KCNT2: variants seen among roughly 807,000 people sequenced by gnomAD.
KCNT2 encodes the protein potassium channel subfamily T member 2.
KCNT2 carries 67 observed loss-of-function variants against 153.8 expected under a neutral mutation model. The observed-to-expected ratio is 0.44, with a 90% CI of 0.36 to 0.53. KCNT2 has a LOEUF of 0.53. KCNT2 is among the 20% of genes least tolerant of loss of function. The pLI, the probability that KCNT2 is intolerant of heterozygous loss-of-function variation, is 0.00. For missense variants in KCNT2, 975 were observed against 1,354.8 expected, an observed-to-expected ratio of 0.72 and a Z score of 4.40; for synonymous variants, 500 against 458.8, an observed-to-expected ratio of 1.09 and a Z score of -1.15.
intron 12 of KCNT2, among the ~76,000 whole-genome samples, chr1:196,410,574 A>C (rs181068084): frequency 7.4e-6 from 1 of 134,954 alleles, no homozygotes; most frequent in African/African-American, 2.5e-5. Context: ...TAATAAAAAT[A>C]AATAAATAAA....
intron 25 of KCNT2, among the ~76,000 whole-genome samples, chr1:196,261,617 A>G (rs1402371303): frequency 1.3e-5 from 2 of 151,974 alleles, no homozygotes; most frequent in Non-Finnish European, 2.9e-5. Flanking sequence ...ACTTTTCTCT[A>G]TCACTAGACT....
chr1:196,424,275 T>C (rs914204222), intron 11 of KCNT2, among the ~76,000 whole-genome samples: 1 of 151,904 alleles, frequency 6.6e-6, no homozygotes, highest in Non-Finnish European at 1.5e-5. Context: ...TCAGATAAAT[T>C]TGTTAGATGG....
rs535795351 is a variant in KCNT2, at chr1:196,492,341, C to A, written c.96G>T (p.Arg32Ser). 21 of 1,376,878 alleles carry A rather than the reference C, an allele frequency of 1.5e-5. No individual in the cohort carries two copies. Among genetic ancestry groups the A allele is most frequent in the Non-Finnish European group, 1.7e-5 (18 of 1,036,364 alleles). The allele number at this position is 1,376,878 out of a possible 1,614,324, so 85.3% of individuals were successfully genotyped here. A position where few individuals can be genotyped will look rare whatever the true frequency, so the allele number is the denominator to read the frequency against. ...CATTCATATAGAATTCAACTTGTAC[C>A]CTGCAAACAGAAAATAAAAACATGT... ...LGDQGWQNDDRVQVEFYMNEN... is the reference protein window; with the variant it reads ...LGDQGWQNDDSVQVEFYMNEN... The change falls in exon 2 of 28, where the codon AGG becomes AGT. Residue 32 changes from arginine (R) to serine (S), a missense_variant and splice_region_variant. Around this residue, in one of 6 missense-constraint regions of KCNT2, gnomAD observed 140 missense variants for 216.0 expected, o/e 0.65. Transcript: ENST00000294725.
intron 8 of KCNT2, among the ~76,000 whole-genome samples, chr1:196,458,159 C>T (rs1676841762): frequency 6.6e-6 from 1 of 151,368 alleles, no homozygotes; most frequent in East Asian, 1.9e-4. Flanking sequence ...ATTCTCATTC[C>T]TGAATGGGTG....
chr1:196,315,072 A>G (rs1306429555), intron 21 of KCNT2, among the ~76,000 whole-genome samples: 3 of 151,714 alleles, frequency 2.0e-5, no homozygotes, highest in Non-Finnish European at 3.0e-5. Context: ...ATTAACCTCA[A>G]TATATGCTTT....
chr1:196,296,162 T>C (rs935713220), intron 22 of KCNT2, among the ~76,000 whole-genome samples: 1 of 151,930 alleles, frequency 6.6e-6, no homozygotes, highest in Admixed American at 6.6e-5. Context: ...ATCTGTTTGA[T>C]GTATTAAAGA....
At chr1:196,334,160 A>G in intron 16 of KCNT2, 100 bp from the exon 17 acceptor site, 1 of 676,112 alleles carries the variant, frequency 1.5e-6, no homozygotes, top group Non-Finnish European at 2.5e-6. Context: ...CACAATAAAT[A>G]TATATATAGA....
In KCNT2 at chr1:196,567,895, C is replaced by T. The variant is rs1276572389; in HGVS notation, c.95+40320G>A. Among the ~76,000 whole-genome samples the T allele has an allele frequency of 2.6e-5, 4 of 152,204 alleles. No homozygotes were observed. In the East Asian group the frequency reaches 7.7e-4, roughly 29 times the overall value. Reference sequence around the variant, plus strand: ...TGATTGCCTTCAGGATAACACTCTGCCTTTAGCATTAGGTTTCAATTTATG... The same window carrying T: ...TGATTGCCTTCAGGATAACACTCTGTCTTTAGCATTAGGTTTCAATTTATG... On this transcript the variant is annotated intron_variant, in intron 1 of 27. Transcript: ENST00000294725.
chr1:196,245,099 G>A (rs2102274255), intron 26 of KCNT2, among the ~76,000 whole-genome samples: 1 of 152,256 alleles, frequency 6.6e-6, no homozygotes, highest in African/African-American at 2.4e-5. Context: ...TACCAACAAT[G>A]TAATACTTTT....
intron 22 of KCNT2, among the ~76,000 whole-genome samples, chr1:196,293,633 T>C (rs1254790010): frequency 7.1e-6 from 1 of 140,742 alleles, no homozygotes; most frequent in Non-Finnish European, 1.5e-5. Context: ...CCTTATCTCA[T>C]GCTATATGCA....
chr1:196,360,095 T>G (rs186145537), intron 14 of KCNT2, among the ~76,000 whole-genome samples: 117 of 152,184 alleles, frequency 7.7e-4, no homozygotes, highest in South Asian at 2.7e-3. Flanking sequence ...AGGAAAACAT[T>G]TCTCAGTCAA....
intron 26 of KCNT2, among the ~76,000 whole-genome samples, chr1:196,246,890 C>CA (rs1042429679): frequency 3.3e-5 from 5 of 151,606 alleles, no homozygotes; most frequent in Non-Finnish European, 5.9e-5. Context: ...AAACAACCAG[C>CA]AAAAAACAAA....
chr1:196,334,049 T>TAGCC lies in KCNT2; in HGVS notation c.1791_1794dup (p.Ile599GlyfsTer10), dbSNP rs1171113749. ...CTACAGCTTGTATCTTGCAAGTCTATAGCCACAGTACCTAAAACAATAAAA... is the reference window on the plus strand; with the variant it reads ...CTACAGCTTGTATCTTGCAAGTCTATAGCCAGCCACAGTACCTAAAACAATAAAA... On this transcript the variant is annotated frameshift_variant, in exon 17 of 28. Transcript: ENST00000294725. LOFTEE classifies it high-confidence loss of function. 1 of 1,611,532 alleles carries TAGCC rather than the reference T, an allele frequency of 6.2e-7. No individual in the cohort carries two copies. The highest frequency in any genetic ancestry group is 2.2e-5 in the East Asian group (1 of 44,714).
intron 12 of KCNT2, among the ~76,000 whole-genome samples, chr1:196,418,337 A>G (rs1182104106): frequency 1.3e-5 from 2 of 152,064 alleles, no homozygotes; most frequent in Non-Finnish European, 2.9e-5. Context: ...ATAAAAATAA[A>G]TAGACAACAA....
At chr1:196,574,785 CTATTA>C (rs1240599608) in intron 1 of KCNT2, among the ~76,000 whole-genome samples, 1 of 151,806 alleles carries the variant, frequency 6.6e-6, no homozygotes, top group East Asian at 1.9e-4. Context: ...TTGCATTATT[CTATTA>C]TGATTGAATA....
intron 8 of KCNT2, among the ~76,000 whole-genome samples, chr1:196,458,539 T>C (rs1474683110): frequency 6.6e-6 from 1 of 151,952 alleles, no homozygotes; most frequent in Non-Finnish European, 1.5e-5. Flanking sequence ...AAAGTCATAA[T>C]TAATCTACTT....
intron 1 of KCNT2, among the ~76,000 whole-genome samples, chr1:196,575,879 G>A (rs1188935349): frequency 6.6e-6 from 1 of 151,006 alleles, no homozygotes; most frequent in Admixed American, 6.6e-5. Context: ...TTGGGAGGCT[G>A]AGACACAAGA....
intron 8 of KCNT2, among the ~76,000 whole-genome samples, chr1:196,462,226 T>C (rs1156239061): frequency 3.3e-5 from 5 of 151,700 alleles, no homozygotes; most frequent in Non-Finnish European, 5.9e-5. Flanking sequence ...CCCCTGGTTT[T>C]TATCTGTCAT....
intron 26 of KCNT2, chr1:196,257,378 G>T: frequency 2.0e-6 from 2 of 977,658 alleles, no homozygotes; most frequent in Non-Finnish European, 1.2e-6. Context: ...ATAAACAAGA[G>T]AAAAGGGTAA....
Sources: allele counts gnomAD v4.1 joint callset (sites outside exome capture counted in the v4.1 genomes callset), GRCh38; gene constraint gnomAD v4.1.1; regional missense constraint gnomAD v4.1.1; transcripts MANE v1.5; gene names NCBI Gene and HGNC (gene_info 2026-07-23, HGNC 2026-07-21).